The following ABCA10 variants were observed in gnomAD, a reference collection of about 807,000 sequenced individuals.
ABCA10 encodes the protein ATP binding cassette subfamily A member 10.
In ABCA10, 169 loss-of-function variants were observed where a neutral mutation model predicts 187.5. That is an observed-to-expected ratio of 0.90 (90% CI 0.80 to 1.02). The LOEUF is 1.02. ABCA10 is among the 50% of genes least tolerant of loss of function. The probability of loss-of-function intolerance (pLI) is 0.00; values close to 1 mark genes in which losing one functional copy is unlikely to be tolerated. For missense variants in ABCA10, 1,727 were observed against 1,812.4 expected, an observed-to-expected ratio of 0.95 and a Z score of 0.86; for synonymous variants, 574 against 601.8, an observed-to-expected ratio of 0.95 and a Z score of 0.68.
At chr17:69,200,299 A>C (rs2074534309) in intron 10 of ABCA10, among the ~76,000 whole-genome samples, 1 of 152,218 alleles carries the variant, frequency 6.6e-6, no homozygotes, top group African/African-American at 2.4e-5. Flanking sequence ...AAGATGAAGA[A>C]ACTGAGGCAT....
rs1598123541 is a variant in ABCA10 at position 69,219,700 on chromosome 17, G to A, written c.375C>T (p.Phe125=). The change falls in exon 6 of 39, where the codon TTC becomes TTT. Residue 125 remains phenylalanine, a synonymous_variant. Coordinates refer to ENST00000690296, the MANE Select transcript of ABCA10 (RefSeq NM_001377321.1). ...VIGINMKIPP[F]ISKGEIMNEW... is the part of the protein sequence containing the mutation. ...CATTCATAATTTCTCCCTTAGAAAT[G>A]AAAGGTGGTATCTTCATATTTATTC... The A allele has an allele frequency of 6.2e-7, 1 of 1,611,668 alleles. No homozygotes were observed. Among genetic ancestry groups the A allele is most frequent in the African/African-American group, 1.3e-5 (1 of 74,974 alleles).
At chr17:69,224,936 T>C (rs1598126797) in intron 3 of ABCA10, among the ~76,000 whole-genome samples, 2 of 152,228 alleles carry the variant, frequency 1.3e-5, no homozygotes, top group Non-Finnish European at 2.9e-5. Flanking sequence ...CAATTGAAAA[T>C]AATTAAATCC....
At chr17:69,171,231 G>T (rs1051742850) in intron 25 of ABCA10, among the ~76,000 whole-genome samples, 2 of 152,122 alleles carry the variant, frequency 1.3e-5, no homozygotes, top group Non-Finnish European at 2.9e-5. Context: ...TGTTTTCAAT[G>T]AAATGTTGAA....
At chr17:69,197,256 A>G in intron 10 of ABCA10, 134 bp from the exon 11 acceptor site, 1 of 637,372 alleles carries the variant, frequency 1.6e-6, no homozygotes, top group Non-Finnish European at 2.6e-6. Context: ...GGCAGTAATA[A>G]AAGCCCTCCC....
chr17:69,222,731 T>G (rs941213415), intron 3 of ABCA10, 34 bp from the exon 4 acceptor site: 1 of 1,524,590 alleles, frequency 6.6e-7, no homozygotes, highest in African/African-American at 1.4e-5. Context: ...TAAATAATCA[T>G]GTAAACTTAT....
At chr17:69,187,586 TTAAA>T in intron 19 of ABCA10, 91 bp downstream of exon 19, 1 of 1,317,070 alleles carries the variant, frequency 7.6e-7, no homozygotes, top group Non-Finnish European at 1.0e-6. Flanking sequence ...AAAAAAACTG[TTAAA>T]TGAATGAATA....
chr17:69,209,652 C>G (rs1057317086), intron 9 of ABCA10, among the ~76,000 whole-genome samples: 1 of 152,128 alleles, frequency 6.6e-6, no homozygotes, highest in African/African-American at 2.4e-5. Context: ...GTGAGGAAAA[C>G]ATAGATTTTT....
intron 27 of ABCA10, among the ~76,000 whole-genome samples, chr17:69,160,074 G>A (rs1177326555): frequency 6.6e-6 from 1 of 152,062 alleles, no homozygotes; most frequent in Non-Finnish European, 1.5e-5. Context: ...ACTAGACAGC[G>A]ATTTATTCAA....
intron 25 of ABCA10, among the ~76,000 whole-genome samples, chr17:69,172,838 T>C (rs995268386): frequency 2.0e-5 from 3 of 152,106 alleles, no homozygotes; most frequent in Admixed American, 2.0e-4. Context: ...AAAATCCAAC[T>C]ATATTTCTTT....
intron 25 of ABCA10, 31 bp downstream of exon 25, chr17:69,174,250 T>C (rs768485682): frequency 6.9e-7 from 1 of 1,444,262 alleles, no homozygotes; most frequent in Non-Finnish European, 9.4e-7. Context: ...GGAAATTTAA[T>C]ATAAATGTGC....
At chr17:69,221,734 T>C in intron 5 of ABCA10, 58 bp downstream of exon 5, 2 of 1,438,576 alleles carry the variant, frequency 1.4e-6, no homozygotes, top group South Asian at 1.3e-5. Flanking sequence ...ATGAGGCAGA[T>C]ATTTAAAAAG....
chr17:69,231,336 T>G (rs1314678185), upstream of ABCA10, among the ~76,000 whole-genome samples: 1 of 152,206 alleles, frequency 6.6e-6, no homozygotes, highest in Non-Finnish European at 1.5e-5. Flanking sequence ...GCTCCTGTTA[T>G]TCTAGTTTCT....
intron 6 of ABCA10, among the ~76,000 whole-genome samples, chr17:69,218,028 A>G (rs1455425186): frequency 6.6e-6 from 1 of 152,162 alleles, no homozygotes; most frequent in Non-Finnish European, 1.5e-5. Context: ...AGAAATTTAG[A>G]TTAAATGTTT....
rs756957072 is a variant in ABCA10 at position 69,216,290 on chromosome 17, G to A, written c.599C>T (p.Thr200Ile). ...AGTATGAAATACAATTGGGATTGAT[G>A]TTATGACCAGAGCCATAAAAATGGA... Reference protein sequence around the residue: ...IMSIFMALVITSIPIVFHTGF... With the variant: ...IMSIFMALVIISIPIVFHTGF... The change falls in exon 7 of 39, where the codon ACA (threonine) becomes ATA (isoleucine). Residue 200 changes from threonine to isoleucine, a missense_variant. By Grantham distance (89) the Thr-to-Ile change is moderately conservative. Transcript: ENST00000690296. The A allele has an allele frequency of 1.9e-5, 30 of 1,613,172 alleles. No homozygotes were observed. Among genetic ancestry groups the A allele is most frequent in the Non-Finnish European group, 2.5e-5 (29 of 1,179,436 alleles).
At chr17:69,201,914 T>A (rs1485664412) in intron 9 of ABCA10, among the ~76,000 whole-genome samples, 5 of 152,134 alleles carry the variant, frequency 3.3e-5, no homozygotes, top group African/African-American at 1.2e-4. Flanking sequence ...GCTTCCCAAG[T>A]AGCTATTACA....
At chr17:69,158,994 A>T (rs2074195264) in intron 27 of ABCA10, among the ~76,000 whole-genome samples, 1 of 152,022 alleles carries the variant, frequency 6.6e-6, no homozygotes, top group Non-Finnish European at 1.5e-5. Context: ...AACTTAAAAT[A>T]CAAAGGTTAG....
chr17:69,242,221 G>A (rs1303968734), intron 1 of ABCA10, among the ~76,000 whole-genome samples: 1 of 152,108 alleles, frequency 6.6e-6, no homozygotes, highest in Admixed American at 6.5e-5. Context: ...AATATCAATA[G>A]TATAATTTGG....
At chr17:69,185,352 C>T in intron 20 of ABCA10, 125 bp downstream of exon 20, 1 of 894,156 alleles carries the variant, frequency 1.1e-6, no homozygotes, top group Non-Finnish European at 1.6e-6. Flanking sequence ...CCATCAGTTT[C>T]CTTCATTTGA....
chr17:69,205,700 G>A lies in ABCA10; in HGVS notation c.1007-4032C>T, dbSNP rs910671997. 3.9e-5 allele frequency among the ~76,000 whole-genome samples: 6 copies of A among 152,244 alleles called. No homozygotes were observed. The East Asian group carries it at 9.6e-4, about 24-fold the overall frequency. On this transcript the variant is annotated intron_variant, in intron 9 of 38. Transcript: ENST00000690296. ...CTAAAAGCTGATTATTAAAATTATA[G>A]ATTATACAAACAGGAATTGAAAAGA...
Sources: gnomAD v4.1 joint callset for allele counts (sites outside exome capture counted in the v4.1 genomes callset) on GRCh38, gnomAD v4.1.1 for gene constraint, MANE v1.5 for transcripts, NCBI Gene and HGNC (gene_info 2026-07-23, HGNC 2026-07-21) for gene names.